FBXO9: variants seen among roughly 807,000 people sequenced by gnomAD.
FBXO9 encodes the protein F-box only protein 9.
A neutral mutation model predicts 63.7 loss-of-function variants in FBXO9; 43 were observed. The observed-to-expected ratio is 0.67, with a 90% CI of 0.53 to 0.87. FBXO9 has a LOEUF of 0.87. FBXO9 is among the 40% of genes least tolerant of loss of function. FBXO9 has a pLI of 0.00. For missense variants in FBXO9, 442 were observed against 533.2 expected, an observed-to-expected ratio of 0.83 and a Z score of 1.68; for synonymous variants, 156 against 171.7, an observed-to-expected ratio of 0.91 and a Z score of 0.72.
intron 10 of FBXO9, 77 bp downstream of exon 10, chr6:53,093,638 G>A (rs1461995017): frequency 2.7e-6 from 3 of 1,098,474 alleles, no homozygotes; most frequent in Non-Finnish European, 4.0e-6. Flanking sequence ...GTAATCCAGT[G>A]CTTCTTTCAC....
At chr6:53,076,621 T>C (rs1769121065) in intron 4 of FBXO9, 78 bp downstream of exon 4, 1 of 1,101,588 alleles carries the variant, frequency 9.1e-7, no homozygotes, top group Non-Finnish European at 1.2e-6. Flanking sequence ...TTTTTTTCTA[T>C]AACTTATTTG....
intron 2 of FBXO9, among the ~76,000 whole-genome samples, chr6:53,072,750 C>T (rs1322115324): frequency 6.6e-5 from 10 of 150,636 alleles, no homozygotes; most frequent in African/African-American, 2.4e-4. Flanking sequence ...GATGGAGTCT[C>T]GCTCCATTGC....
At chr6:53,089,459 A>C (rs992929904) in intron 7 of FBXO9, among the ~76,000 whole-genome samples, 2 of 152,214 alleles carry the variant, frequency 1.3e-5, no homozygotes, top group African/African-American at 4.8e-5. Flanking sequence ...AGAAGAAGCA[A>C]GGGAAAAGAG....
intron 1 of FBXO9, among the ~76,000 whole-genome samples, chr6:53,069,643 A>G (rs997018873): frequency 4.6e-5 from 7 of 152,236 alleles, no homozygotes; most frequent in African/African-American, 9.6e-5. Context: ...AGCAAAATCT[A>G]GCTTCTACAG....
chr6:53,086,835 A>G (rs1762903200), intron 7 of FBXO9, among the ~76,000 whole-genome samples: 1 of 152,172 alleles, frequency 6.6e-6, no homozygotes, highest in East Asian at 1.9e-4. Context: ...TGGGAGGCCA[A>G]GGTAGGAGGA....
At chr6:53,086,405 A>G (rs1245869979) in intron 7 of FBXO9, among the ~76,000 whole-genome samples, 1 of 152,222 alleles carries the variant, frequency 6.6e-6, no homozygotes, top group East Asian at 1.9e-4. Flanking sequence ...CCAAAAACCT[A>G]ATAAAGCACA....
At chr6:53,072,222 A>AAT (rs1768943658) in intron 2 of FBXO9, among the ~76,000 whole-genome samples, 1 of 151,578 alleles carries the variant, frequency 6.6e-6, no homozygotes, top group East Asian at 1.9e-4. Flanking sequence ...TCTTTTTTTA[A>AAT]AAAAAAAAAA....
chr6:53,070,841 TG>T, intron 1 of FBXO9: 2 of 594,398 alleles, frequency 3.4e-6, no homozygotes. Flanking sequence ...GTGAGTACTG[TG>T]GGTTGGAGTA....
At chr6:53,072,096 T>C (rs1278468418) in intron 2 of FBXO9, among the ~76,000 whole-genome samples, 6 of 152,086 alleles carry the variant, frequency 3.9e-5, no homozygotes, top group African/African-American at 1.4e-4. Flanking sequence ...CTAGTAGACA[T>C]TGAATGCTGC....
chr6:53,088,540 A>G (rs996299219), intron 7 of FBXO9, among the ~76,000 whole-genome samples: 7 of 152,112 alleles, frequency 4.6e-5, no homozygotes, highest in African/African-American at 1.7e-4. Context: ...CCTGTCAGAG[A>G]AAGTCAGGAG....
chr6:53,074,210 T>C (rs1769019382), intron 3 of FBXO9, among the ~76,000 whole-genome samples: 1 of 101,208 alleles, frequency 9.9e-6, no homozygotes. Flanking sequence ...AGGCACAGCA[T>C]ACCATTTCAT....
chr6:53,065,489 G>C lies in FBXO9; in HGVS notation c.-301G>C. 1 of 353,038 alleles carries C rather than the reference G, an allele frequency of 2.8e-6. No individual in the cohort carries two copies. Among genetic ancestry groups the C allele is most frequent in the Non-Finnish European group, 5.1e-6 (1 of 196,552 alleles). 21.9% of individuals were successfully genotyped at this position (353,038 alleles called of 1,614,324 possible). ...GGGTCTCCAGTAGGGCTGACGCTCC[G>C]GTGCTCGCACAATCCCCCGCCTCGG... On this transcript the variant is annotated 5_prime_UTR_variant, in exon 1 of 13. Coordinates refer to ENST00000323557, the MANE Select transcript of FBXO9 (RefSeq NM_033480.3).
chr6:53,079,728 A>G (rs950811460), intron 5 of FBXO9, among the ~76,000 whole-genome samples: 4 of 152,146 alleles, frequency 2.6e-5, no homozygotes, highest in African/African-American at 9.7e-5. Context: ...GAAATATTAT[A>G]TTAGCTATTA....
At chr6:53,067,023 A>G (rs1768728224) in intron 1 of FBXO9, among the ~76,000 whole-genome samples, 1 of 152,192 alleles carries the variant, frequency 6.6e-6, no homozygotes, top group Non-Finnish European at 1.5e-5. Flanking sequence ...CACTTCTCCC[A>G]TTTCCTTTCC....
intron 11 of FBXO9, among the ~76,000 whole-genome samples, chr6:53,094,309 T>C (rs934710620): frequency 6.6e-6 from 1 of 152,212 alleles, no homozygotes; most frequent in African/African-American, 2.4e-5. Context: ...GGATTTTTTT[T>C]CCTAAATTAG....
intron 7 of FBXO9, among the ~76,000 whole-genome samples, chr6:53,083,314 A>G (rs1769371814): frequency 6.6e-6 from 1 of 152,166 alleles, no homozygotes; most frequent in Non-Finnish European, 1.5e-5. Context: ...TCTTTTTCAC[A>G]ATTCTGTGTG....
In FBXO9 at chr6:53,092,493, C is replaced by A. The variant is rs747052543; in HGVS notation, c.718C>A (p.Pro240Thr). ...GGGCAGAAGCTGTATTAAACTTGTT[C>A]CGTACACGTCCTGGAGAGAGATGTT... Reference protein sequence around the residue: ...VWGRSCIKLVPYTSWREMFLE... With the variant: ...VWGRSCIKLVTYTSWREMFLE... Residue 240 changes from proline (P) to threonine (T), a missense_variant, in exon 8 of 13, where the codon CCG becomes ACG. This residue lies in a region of FBXO9 where 262 missense variants were observed against 362.1 expected (regional missense o/e 0.72). Transcript: ENST00000323557. The A allele has an allele frequency of 2.5e-6, 4 of 1,613,894 alleles. No individual in the cohort carries two copies. Among genetic ancestry groups the A allele is most frequent in the Non-Finnish European group, 3.4e-6 (4 of 1,179,880 alleles).
chr6:53,097,701 T>G, intron 12 of FBXO9, 21 bp from the exon 13 acceptor site: 2 of 1,478,146 alleles, frequency 1.4e-6, no homozygotes, highest in Non-Finnish European at 1.9e-6. Context: ...ATACTAGTAA[T>G]TTTGTGCTTT....
At position 53,098,315 on chromosome 6, in the gene FBXO9, G is replaced by C. The variant is rs1347576972; in HGVS notation, c.*485G>C. ...GCTCAAAGTGTGAGAACCTGTTCTG[G>C]ATTTGTTTGAAATTATTTCACCAAT... On this transcript the variant is annotated 3_prime_UTR_variant, in exon 13 of 13. Transcript: ENST00000323557. 5.9e-6 allele frequency: 1 copy of C among 169,468 alleles called. No individual in the cohort carries two copies. Among genetic ancestry groups the C allele is most frequent in the Admixed American group, 6.2e-5 (1 of 16,014 alleles). The allele number at this position is 169,468 out of a possible 1,614,324, so 10.5% of individuals were successfully genotyped here.
Sources: allele counts gnomAD v4.1 joint callset (sites outside exome capture counted in the v4.1 genomes callset), GRCh38; gene constraint gnomAD v4.1.1; regional missense constraint gnomAD v4.1.1; transcripts MANE v1.5; gene names NCBI Gene and HGNC (gene_info 2026-07-23, HGNC 2026-07-21).